FMO3: variants seen among roughly 807,000 people sequenced by gnomAD.
FMO3 encodes the protein flavin-containing monooxygenase 3.
Under a neutral mutation model 39.4 loss-of-function variants are expected in FMO3, and 40 were observed. The ratio of observed to expected loss-of-function variants is 1.02; its 90% confidence interval spans 0.79 to 1.32. The LOEUF (loss-of-function observed/expected upper bound fraction) is 1.32, where lower values mean the gene tolerates loss of function less well. Ranked by LOEUF, FMO3 falls within the 40% of genes most tolerant of loss-of-function variation. The pLI is 0.00. For synonymous variants in FMO3, 219 were observed against 228.8 expected, an observed-to-expected ratio of 0.96 and a Z score of 0.39; for missense variants, 680 against 651.8, an observed-to-expected ratio of 1.04 and a Z score of -0.47.
chr1:171,101,445 C>T (rs1655388471), intron 2 of FMO3, among the ~76,000 whole-genome samples: 1 of 152,198 alleles, frequency 6.6e-6, no homozygotes, highest in South Asian at 2.1e-4. Context: ...AAGTCTGCAG[C>T]AATAGGCTTA....
intron 3 of FMO3, 27 bp downstream of exon 3, chr1:171,104,000 T>G: frequency 1.3e-6 from 2 of 1,519,208 alleles, no homozygotes; most frequent in Non-Finnish European, 1.8e-6. Flanking sequence ...AATTTAGCTC[T>G]TGTCATAATG....
Position 171,110,922 on chromosome 1 carries a change from T to A in FMO3, c.752T>A (p.Ile251Asn). Reference sequence around the variant, plus strand: ...CTCAAGAACAATTTACCGACAGCCATCTCTGACTGGTTGTACGTGAAGCAG... The same window carrying A: ...CTCAAGAACAATTTACCGACAGCCAACTCTGACTGGTTGTACGTGAAGCAG... ...TFLKNNLPTA[I>N]SDWLYVKQMN... The change falls in exon 6 of 9, where the codon ATC becomes AAC. Residue 251 changes from isoleucine (I) to asparagine (N), a missense_variant. Physicochemically the swap from Ile to Asn is moderately radical, Grantham distance 149. Coordinates refer to ENST00000367755, the MANE Select transcript of FMO3 (RefSeq NM_001002294.3). The A allele has an allele frequency of 6.2e-7, 1 of 1,613,908 alleles. No individual in the cohort carries two copies. The highest frequency in any genetic ancestry group is 8.5e-7 in the Non-Finnish European group (1 of 1,179,858).
chr1:171,103,600 G>T (rs1285465901), intron 2 of FMO3, among the ~76,000 whole-genome samples, 185 bp from the exon 3 acceptor site: 2 of 152,086 alleles, frequency 1.3e-5, no homozygotes, highest in African/African-American at 2.4e-5. Flanking sequence ...CTGTATATAG[G>T]TTATACGAAA....
chr1:171,092,063 AC>A (rs1204892463), intron 1 of FMO3, among the ~76,000 whole-genome samples: 3 of 152,152 alleles, frequency 2.0e-5, no homozygotes, highest in Non-Finnish European at 2.9e-5. Context: ...ACAGTAAATG[AC>A]AAAGTCCAAA....
rs1052484880 is a variant in FMO3, at chr1:171,090,940, C to G, written c.-48C>G. 1 of 152,220 alleles carries G rather than the reference C, an allele frequency of 6.6e-6. No individual in the cohort carries two copies. The highest frequency in any genetic ancestry group is 1.5e-5 in the Non-Finnish European group (1 of 68,144). 9.4% of individuals were successfully genotyped at this position (152,220 alleles called of 1,614,324 possible). ...GACGGTTGGACAGGACGTAGACACA[C>G]AGAAGAAAAGAAGACAAAGAACGGG... On this transcript the variant is annotated 5_prime_UTR_variant, in exon 1 of 9. Transcript: ENST00000367755.
intron 3 of FMO3, among the ~76,000 whole-genome samples, chr1:171,106,140 A>T (rs1655625509): frequency 6.8e-6 from 1 of 147,086 alleles, no homozygotes; most frequent in Non-Finnish European, 1.5e-5. Flanking sequence ...GACTATTAGA[A>T]TTTTTTTTTT....
At chr1:171,106,846 A>T (rs921507806) in intron 3 of FMO3, among the ~76,000 whole-genome samples, 1 of 152,312 alleles carries the variant, frequency 6.6e-6, no homozygotes, top group Admixed American at 6.5e-5. Flanking sequence ...TCCAAAAAAA[A>T]GTTGCCATAT....
intron 3 of FMO3, among the ~76,000 whole-genome samples, chr1:171,106,474 T>C (rs1051493567): frequency 1.3e-5 from 2 of 152,292 alleles, no homozygotes; most frequent in East Asian, 3.9e-4. Flanking sequence ...TTGCTCATAC[T>C]ATATTGGTAC....
chr1:171,104,544 A>G (rs1457009441), intron 3 of FMO3, among the ~76,000 whole-genome samples: 1 of 152,206 alleles, frequency 6.6e-6, no homozygotes, highest in African/African-American at 2.4e-5. Context: ...AAGCATATGT[A>G]CAAATTGAAA....
At chr1:171,114,723 A>T (rs1261678980) in intron 7 of FMO3, among the ~76,000 whole-genome samples, 1 of 152,226 alleles carries the variant, frequency 6.6e-6, no homozygotes, top group Admixed American at 6.5e-5. Context: ...ACATTGCTTG[A>T]AAAGTTCATA....
chr1:171,099,059 A>G (rs544496781), intron 2 of FMO3, among the ~76,000 whole-genome samples: 2 of 151,650 alleles, frequency 1.3e-5, no homozygotes, highest in East Asian at 3.9e-4. Context: ...CCCTCTACAC[A>G]CTGCTTTAAA....
chr1:171,096,940 C>A (rs1457379412), intron 2 of FMO3, among the ~76,000 whole-genome samples: 1 of 151,118 alleles, frequency 6.6e-6, no homozygotes. Context: ...TCCCTCCCCA[C>A]TCCCCCCGCC....
chr1:171,096,064 T>A (rs867962369), intron 2 of FMO3, among the ~76,000 whole-genome samples: 1,569 of 39,610 alleles, frequency 0.04, 56 homozygotes, highest in African/African-American at 0.077. Flanking sequence ...ATAATATATA[T>A]TATATATTAA....
chr1:171,116,088 G>A (rs1360228347), intron 7 of FMO3, 120 bp from the exon 8 acceptor site: 1 of 694,570 alleles, frequency 1.4e-6, no homozygotes, highest in African/African-American at 1.8e-5. Context: ...TGAATTTGGT[G>A]TCTGTCTGAA....
Position 171,114,113 on chromosome 1 carries a change from A to G in FMO3, c.934A>G (p.Ile312Val), listed in dbSNP as rs1226751624. The G allele has an allele frequency of 8.1e-6, 13 of 1,613,814 alleles. No homozygotes were observed. The highest frequency in any genetic ancestry group is 1.6e-4 in the Middle Eastern group (1 of 6,080). Residue 312 changes from isoleucine to valine, a missense_variant, in exon 7 of 9, where the codon ATT (isoleucine) becomes GTT (valine). By Grantham distance (29) the Ile-to-Val change is conservative. Coordinates refer to ENST00000367755, the MANE Select transcript of FMO3 (RefSeq NM_001002294.3). The stretch of plus-strand genomic sequence containing the variant: ...GAAGGAATTCACAGAGACCTCGGCC[A>G]TTTTTGAGGATGGGACCATATTTGA... ...NVKEFTETSA[I>V]FEDGTIFEGI...
At position 171,107,702 on chromosome 1, in the gene FMO3, C is replaced by T. The variant is rs1655706137; in HGVS notation, c.349C>T (p.Pro117Ser). ...KTFVSSVNKH[P>S]DFATTGQWDV... ...ATTTGTATCCAGTGTAAATAAACAT[C>T]CTGATTTTGCAACTACTGGCCAGTG... Residue 117 changes from proline to serine, a missense_variant, in exon 4 of 9, where the codon CCT becomes TCT. Pro to Ser is a moderately conservative substitution (Grantham distance 74). Transcript: ENST00000367755. The T allele has an allele frequency of 6.2e-7, 1 of 1,613,122 alleles. No individual in the cohort carries two copies. Among genetic ancestry groups the T allele is most frequent in the East Asian group, 2.2e-5 (1 of 44,836 alleles).
At position 171,114,069 on chromosome 1, in the gene FMO3, T is replaced by C; in HGVS notation, c.890T>C (p.Val297Ala). ...CCAGCAAGCATTCTGTGTGGCATTG[T>C]GTCCGTAAAGCCTAACGTGAAGGAA... ...ELPASILCGI[V>A]SVKPNVKEFT... is the part of the protein sequence containing the mutation. Residue 297 changes from valine (V) to alanine (A), a missense_variant, in exon 7 of 9, where the codon GTG becomes GCG. By Grantham distance (64) the Val-to-Ala change is moderately conservative. Coordinates refer to ENST00000367755, the MANE Select transcript of FMO3 (RefSeq NM_001002294.3). 1.9e-6 allele frequency: 3 copies of C among 1,613,456 alleles called. No individual in the cohort carries two copies. Among genetic ancestry groups the C allele is most frequent in the Non-Finnish European group, 2.5e-6 (3 of 1,179,516 alleles).
intron 7 of FMO3, among the ~76,000 whole-genome samples, chr1:171,115,813 C>T (rs139639755): frequency 1.1e-3 from 161 of 152,208 alleles, no homozygotes; most frequent in African/African-American, 3.6e-3. Flanking sequence ...TCACCAAATT[C>T]GATATCTTAT....
chr1:171,117,679 C>T lies in FMO3; in HGVS notation c.*237C>T. The T allele has an allele frequency of 2.4e-6, 1 of 423,612 alleles. No individual in the cohort carries two copies. The allele number at this position is 423,612 out of a possible 1,614,324, so 26.2% of individuals were successfully genotyped here. On this transcript the variant is annotated 3_prime_UTR_variant, in exon 9 of 9. Coordinates refer to ENST00000367755, the MANE Select transcript of FMO3 (RefSeq NM_001002294.3). The stretch of plus-strand genomic sequence containing the variant: ...TTCTGTTTGAGTTCCACTAACACTT[C>T]AAAATCAGAACTATGTTCTTTATAT...
Sources: gnomAD v4.1 joint callset for allele counts (sites outside exome capture counted in the v4.1 genomes callset) on GRCh38, gnomAD v4.1.1 for gene constraint, MANE v1.5 for transcripts, NCBI Gene and HGNC (gene_info 2026-07-23, HGNC 2026-07-21) for gene names.